SNX8: variants seen among roughly 807,000 people sequenced by gnomAD.
SNX8 encodes the protein sorting nexin-8.
A neutral mutation model predicts 51.6 loss-of-function variants in SNX8; 25 were observed. That is an observed-to-expected ratio of 0.48 (90% CI 0.35 to 0.68). The LOEUF is 0.68. Ranked by LOEUF, SNX8 falls within the 30% of genes least tolerant of loss-of-function variation. The probability of loss-of-function intolerance (pLI) is 0.00; values close to 1 mark genes in which losing one functional copy is unlikely to be tolerated. For missense variants in SNX8, 695 were observed against 624.0 expected (o/e 1.11, Z -1.21); for synonymous variants, 324 against 277.0 (o/e 1.17, Z -1.68).
chr7:2,258,356 G>A (rs968501369), intron 7 of SNX8, among the ~76,000 whole-genome samples: 7 of 152,116 alleles, frequency 4.6e-5, no homozygotes, highest in African/African-American at 9.7e-5. Flanking sequence ...GCGTTCCCGC[G>A]GGACAGCTGC....
In SNX8 at chr7:2,254,821, C is replaced by A; in HGVS notation, c.*235G>T. 1.7e-6 allele frequency: 1 copy of A among 574,480 alleles called. No individual in the cohort carries two copies. The highest frequency in any genetic ancestry group is 3.1e-6 in the Non-Finnish European group (1 of 321,418). 35.6% of individuals were successfully genotyped at this position (574,480 alleles called of 1,614,324 possible). A position where few individuals can be genotyped will look rare whatever the true frequency, so the allele number is the denominator to read the frequency against. ...CAGGAGGAAACCATTCCAGAGAACC[C>A]CACCACCTCTCTCGACCAGGCTAGC... On this transcript the variant is annotated 3_prime_UTR_variant, in exon 11 of 11. Coordinates refer to ENST00000222990, the MANE Select transcript of SNX8 (RefSeq NM_013321.4).
chr7:2,287,159 T>A (rs1418554584), intron 1 of SNX8, among the ~76,000 whole-genome samples: 1 of 149,788 alleles, frequency 6.7e-6, no homozygotes, highest in Non-Finnish European at 1.5e-5. Flanking sequence ...TAATAATAAT[T>A]TTTCATAGAG....
At chr7:2,350,164 A>T (rs539577008) in intron 1 of SNX8, among the ~76,000 whole-genome samples, 1 of 152,294 alleles carries the variant, frequency 6.6e-6, no homozygotes, top group South Asian at 2.1e-4. Context: ...TGTTAAGATA[A>T]ACCCACAGGA....
At chr7:2,290,939 T>C (rs1796136913) in intron 1 of SNX8, among the ~76,000 whole-genome samples, 1 of 152,160 alleles carries the variant, frequency 6.6e-6, no homozygotes, top group African/African-American at 2.4e-5. Context: ...CAACCTACAG[T>C]CAGAGAAGAA....
Position 2,255,040 on chromosome 7 carries a change from A to G in SNX8, c.*16T>C. 1 of 1,508,014 alleles carries G rather than the reference A, an allele frequency of 6.6e-7. No homozygotes were observed. Among genetic ancestry groups the G allele is most frequent in the Non-Finnish European group, 9.0e-7 (1 of 1,106,464 alleles). The allele number at this position is 1,508,014 out of a possible 1,614,324, so 93.4% of individuals were successfully genotyped here. On this transcript the variant is annotated 3_prime_UTR_variant, in exon 11 of 11. Transcript: ENST00000222990. ...TTTTAGTGCGGCCGCAGGGAGCACCACCTCAGCCTCAGGCGCTAGTGAGGA... is the reference window on the plus strand; with the variant it reads ...TTTTAGTGCGGCCGCAGGGAGCACCGCCTCAGCCTCAGGCGCTAGTGAGGA...
Position 2,287,179 on chromosome 7 carries a change from C to T in SNX8, c.95-8874G>A, listed in dbSNP as rs1213783651. On this transcript the variant is annotated intron_variant, in intron 1 of 10. Transcript: ENST00000222990. ...ATAATTTTTCATAGAGATAGGGTCTCGCCATGTTGCTCAGGCTAGTCTCAA... is the reference window on the plus strand; with the variant it reads ...ATAATTTTTCATAGAGATAGGGTCTTGCCATGTTGCTCAGGCTAGTCTCAA... Among the ~76,000 whole-genome samples, 3 of 151,360 alleles carry T rather than the reference C, an allele frequency of 2.0e-5. No homozygotes were observed. The East Asian group carries it at 5.9e-4, about 30-fold the overall frequency.
chr7:2,274,787 G>A (rs536226923), intron 3 of SNX8, among the ~76,000 whole-genome samples: 6 of 152,258 alleles, frequency 3.9e-5, no homozygotes, highest in African/African-American at 1.4e-4. Context: ...CAGCCCTCTC[G>A]GGAGCTCTCG....
chr7:2,256,870 T>G lies in SNX8; in HGVS notation c.1284+4A>C. On this transcript the variant is annotated splice_donor_region_variant and intron_variant, in intron 10 of 10. Transcript: ENST00000222990. ...AGACGGCGGCCGGAGCAGGGCGGAC[T>G]CACCTCCTTGTGCCCTTGGATCTGA... 2 of 1,609,442 alleles carry G rather than the reference T, an allele frequency of 1.2e-6. No individual in the cohort carries two copies. The highest frequency in any genetic ancestry group is 1.7e-6 in the Non-Finnish European group (2 of 1,177,350).
intron 4 of SNX8, among the ~76,000 whole-genome samples, chr7:2,269,987 G>A (rs993311782): frequency 1.3e-5 from 2 of 152,090 alleles, no homozygotes; most frequent in South Asian, 2.1e-4. Flanking sequence ...CCACAGACCC[G>A]GGGCGGCGTC....
intron 1 of SNX8, among the ~76,000 whole-genome samples, chr7:2,341,713 C>T (rs1583125368): frequency 1.3e-5 from 2 of 151,896 alleles, no homozygotes; most frequent in Non-Finnish European, 1.5e-5. Flanking sequence ...ATCGGCCACG[C>T]GCAGTGGCTC....
chr7:2,326,403 C>T lies in SNX8; in HGVS notation c.-66+27819G>A, dbSNP rs568369461. 3.0e-3 allele frequency among the ~76,000 whole-genome samples: 449 copies of T among 151,992 alleles called. 5 individuals are homozygous for T. Among genetic ancestry groups the T allele is most frequent in the Non-Finnish European group, 4.3e-3 (294 of 67,980 alleles). ...AAAAGGGGCCGGGCACGGTGGCTCA[C>T]GCCTGTAATCCCAGCACTTTGGAAG... is the stretch of plus-strand genomic sequence containing the variant. On this transcript the variant is annotated intron_variant, in intron 1 of 5. Coordinates refer to the SNX8 transcript ENST00000435336.
intron 1 of SNX8, among the ~76,000 whole-genome samples, chr7:2,320,950 G>A (rs2115224551): frequency 6.6e-6 from 1 of 152,214 alleles, no homozygotes; most frequent in African/African-American, 2.4e-5. Context: ...AACCCGGCAG[G>A]TGGAGGTTGC....
At chr7:2,304,522 C>T (rs1026402651) in intron 1 of SNX8, among the ~76,000 whole-genome samples, 7 of 151,264 alleles carry the variant, frequency 4.6e-5, no homozygotes, top group South Asian at 4.2e-4. Context: ...CCAGCCTGGG[C>T]GACAGAGCGA....
intron 1 of SNX8, among the ~76,000 whole-genome samples, chr7:2,337,879 A>C (rs1778858881): frequency 6.6e-6 from 1 of 151,152 alleles, no homozygotes; most frequent in Non-Finnish European, 1.5e-5. Context: ...GAAAAGAAAA[A>C]CCCTAGAGCA....
At chr7:2,340,099 T>A (rs1778894746) in intron 1 of SNX8, among the ~76,000 whole-genome samples, 1 of 151,840 alleles carries the variant, frequency 6.6e-6, no homozygotes, top group African/African-American at 2.4e-5. Context: ...GTTCCGCTCT[T>A]ATTGTCAGGC....
intron 5 of SNX8, among the ~76,000 whole-genome samples, chr7:2,266,381 C>T (rs1050476495): frequency 2.6e-5 from 4 of 151,068 alleles, no homozygotes; most frequent in African/African-American, 9.7e-5. Context: ...GATGGTGTCT[C>T]TGTCGTCCAG....
intron 1 of SNX8, among the ~76,000 whole-genome samples, chr7:2,306,161 T>A (rs544912455): frequency 1.3e-5 from 2 of 152,132 alleles, no homozygotes; most frequent in East Asian, 3.9e-4. Flanking sequence ...TTTTTGTTTT[T>A]GAGACAGTCT....
rs1795130468 is a variant in SNX8 at position 2,254,661 on chromosome 7, TCTC to T, written c.*392_*394del. On this transcript the variant is annotated 3_prime_UTR_variant, in exon 11 of 11. Coordinates refer to ENST00000222990, the MANE Select transcript of SNX8 (RefSeq NM_013321.4). ...TGGGCTGCAGGGCAGCCCTGCCCTC[TCTC>T]CTCGGCTGACCGAGCACCATGATGC... 1 of 232,054 alleles carries T rather than the reference TCTC, an allele frequency of 4.3e-6. No homozygotes were observed. The highest frequency in any genetic ancestry group is 2.3e-5 in the African/African-American group (1 of 43,230). 14.4% of individuals were successfully genotyped at this position (232,054 alleles called of 1,614,324 possible). A position where few individuals can be genotyped will look rare whatever the true frequency, so the allele number is the denominator to read the frequency against.
intron 1 of SNX8, among the ~76,000 whole-genome samples, chr7:2,320,821 G>C (rs987805356): frequency 1.3e-5 from 2 of 152,024 alleles, no homozygotes; most frequent in Non-Finnish European, 2.9e-5. Context: ...AGGAGTTTGA[G>C]ACCAGCCTGG....
Sources: gnomAD v4.1 joint callset for allele counts (sites outside exome capture counted in the v4.1 genomes callset) on GRCh38, gnomAD v4.1.1 for gene constraint, MANE v1.5 for transcripts, NCBI Gene and HGNC (gene_info 2026-07-23, HGNC 2026-07-21) for gene names.